The following WASHC2A variants were observed in gnomAD, a reference collection of about 807,000 sequenced individuals.
WASHC2A encodes WASH complex subunit FAM21A.
Under a neutral mutation model 140.3 loss-of-function variants are expected in WASHC2A, and 82 were observed. The observed-to-expected ratio is 0.58, with a 90% CI of 0.49 to 0.70. The LOEUF is 0.70. WASHC2A is among the 30% of genes least tolerant of loss of function. The pLI, the probability that WASHC2A is intolerant of heterozygous loss-of-function variation, is 0.00. For missense variants in WASHC2A, 985 were observed against 1,521.8 expected, an observed-to-expected ratio of 0.65 and a Z score of 5.87; for synonymous variants, 340 against 560.8, an observed-to-expected ratio of 0.61 and a Z score of 5.56.
Position 50,129,648 on chromosome 10 carries a change from G to A in WASHC2A, c.3317G>A (p.Gly1106Asp), listed in dbSNP as rs1412402899. The change falls in exon 29 of 31, where the codon GGT becomes GAT. Residue 1106 changes from glycine (G) to aspartate (D), a missense_variant. Gly to Asp is a moderately conservative substitution (Grantham distance 94, BLOSUM62 -1). Coordinates refer to ENST00000282633, the MANE Select transcript of WASHC2A (RefSeq NM_001005751.3). ...LAAAAAPWEG[G>D]PVPGVDRSPF... is the part of the protein sequence containing the mutation. ...GCTGCCGCTGCACCTTGGGAAGGTG[G>A]TCCTGTGCCTGGAGTGGACAGAAGC... The A allele has an allele frequency of 3.1e-6, 5 of 1,612,090 alleles. No homozygotes were observed. The highest frequency in any genetic ancestry group is 4.2e-6 in the Non-Finnish European group (5 of 1,179,878).
Position 50,097,856 on chromosome 10 carries a change from A to G in WASHC2A, c.1548+54A>G, listed in dbSNP as rs1443597988. ...AGCATTGATCTGCCGCATTTTAATA[A>G]TTCATCCTGAACCCAGAGGGAAGTG... On this transcript the variant is annotated intron_variant, in intron 16 of 30. Transcript: ENST00000282633. 1.9e-6 allele frequency: 3 copies of G among 1,611,246 alleles called. No individual in the cohort carries two copies. In the African/African-American group the frequency reaches 4.0e-5, roughly 22 times the overall value.
Position 50,082,937 on chromosome 10 carries a change from A to G in WASHC2A, c.529-1135A>G, listed in dbSNP as rs1391724883. Reference sequence around the variant, plus strand: ...TACCAACTTCAATTTTCTAAATTCAACAGTGTGGAACCACTAGGGGGTATT... The same window carrying G: ...TACCAACTTCAATTTTCTAAATTCAGCAGTGTGGAACCACTAGGGGGTATT... On this transcript the variant is annotated intron_variant, in intron 5 of 30. Coordinates refer to ENST00000282633, the MANE Select transcript of WASHC2A (RefSeq NM_001005751.3). Among the ~76,000 whole-genome samples the G allele has an allele frequency of 5.9e-5, 7 of 118,346 alleles. 3 individuals are homozygous for G. In the East Asian group the frequency reaches 1.8e-3, roughly 30 times the overall value. The allele number at this position is 118,346 out of a possible 152,430, so 77.6% of individuals were successfully genotyped here.
At chr10:50,084,016 T>C in intron 5 of WASHC2A, 56 bp from the exon 6 acceptor site, 2 of 1,602,426 alleles carry the variant, frequency 1.2e-6, no homozygotes. Context: ...AGGTGGCACA[T>C]GTAAGTTTGT....
At chr10:50,125,694 G>A (rs1172662300) in intron 25 of WASHC2A, among the ~76,000 whole-genome samples, 7 of 152,326 alleles carry the variant, frequency 4.6e-5, no homozygotes, top group Admixed American at 3.3e-4. Flanking sequence ...TGACTGTACT[G>A]CACATCTGTG....
At chr10:50,077,029 A>G (rs1838404363) in intron 3 of WASHC2A, among the ~76,000 whole-genome samples, 1 of 151,702 alleles carries the variant, frequency 6.6e-6, no homozygotes. Flanking sequence ...AGGCAGGAGA[A>G]TGGCGTGAAC....
chr10:50,100,267 A>C (rs1231057884), intron 17 of WASHC2A, among the ~76,000 whole-genome samples: 1 of 152,068 alleles, frequency 6.6e-6, no homozygotes, highest in Non-Finnish European at 1.5e-5. Flanking sequence ...CGGATACCTG[A>C]GGTCAGGAGT....
intron 4 of WASHC2A, 79 bp downstream of exon 4, chr10:50,078,816 G>C (rs1258242242): frequency 2.0e-5 from 32 of 1,611,682 alleles, no homozygotes; most frequent in Non-Finnish European, 2.7e-5. Context: ...TGTGGGAACT[G>C]GGGGATGGTG....
At chr10:50,103,309 C>G (rs1320591419) in intron 17 of WASHC2A, among the ~76,000 whole-genome samples, 1 of 151,394 alleles carries the variant, frequency 6.6e-6, no homozygotes, top group African/African-American at 2.4e-5. Flanking sequence ...CCTGTAATCC[C>G]AGCACTTGTG....
At chr10:50,131,273 G>T in intron 30 of WASHC2A, 195 bp downstream of exon 30, 2 of 736,738 alleles carry the variant, frequency 2.7e-6, no homozygotes, top group East Asian at 5.4e-5. Context: ...TCCTATGATA[G>T]TCATCAAAGA....
At chr10:50,072,158 CA>C (rs1169046752) in intron 3 of WASHC2A, among the ~76,000 whole-genome samples, 1 of 146,716 alleles carries the variant, frequency 6.8e-6, no homozygotes, top group African/African-American at 2.5e-5. Context: ...GCGATCTGCC[CA>C]TTGCAACCTC....
At chr10:50,109,918 C>T (rs1169477108) in intron 19 of WASHC2A, among the ~76,000 whole-genome samples, 183 bp from the exon 20 acceptor site, 47 of 151,772 alleles carry the variant, frequency 3.1e-4, no homozygotes, top group Non-Finnish European at 6.6e-4. Context: ...TACAGGCTCC[C>T]GCCACCACGC....
chr10:50,076,273 G>A (rs1300821931), intron 3 of WASHC2A, among the ~76,000 whole-genome samples: 1 of 152,172 alleles, frequency 6.6e-6, no homozygotes, highest in African/African-American at 2.4e-5. Context: ...CCCCCAGCAC[G>A]ATTATCTTAC....
In WASHC2A at chr10:50,090,515, A is replaced by AAT. The variant is rs1203140565; in HGVS notation, c.733-246_733-245dup. ...TAGACTCCATCTCAAAAAAAAAAAA[A>AAT]ATATATATATATATATTTATATTTA... On this transcript the variant is annotated intron_variant, in intron 8 of 30. Transcript: ENST00000282633. 4.0e-3 allele frequency among the ~76,000 whole-genome samples: 435 copies of AAT among 108,718 alleles called. 4 individuals carry two copies. The highest frequency in any genetic ancestry group is 0.011 in the African/African-American group (352 of 30,740). 71.3% of individuals were successfully genotyped at this position (108,718 alleles called of 152,430 possible). A position where few individuals can be genotyped will look rare whatever the true frequency, so the allele number is the denominator to read the frequency against.
intron 20 of WASHC2A, among the ~76,000 whole-genome samples, chr10:50,111,966 T>C (rs1262593656): frequency 3.3e-5 from 5 of 152,040 alleles, no homozygotes; most frequent in African/African-American, 1.2e-4. Flanking sequence ...AGGCAGAGGT[T>C]ACAGTGAGCC....
chr10:50,132,103 T>C (rs1013016796), intron 30 of WASHC2A, among the ~76,000 whole-genome samples: 7 of 152,256 alleles, frequency 4.6e-5, no homozygotes, highest in African/African-American at 1.7e-4. Flanking sequence ...TCTCCTTCCT[T>C]GTTTTCAGTG....
chr10:50,100,910 A>T (rs1841070689), intron 17 of WASHC2A, among the ~76,000 whole-genome samples: 1 of 152,426 alleles, frequency 6.6e-6, no homozygotes, highest in Non-Finnish European at 1.5e-5. Flanking sequence ...TCCAATTTTA[A>T]GTTGGCCTTT....
At chr10:50,100,549 A>G (rs1191392818) in intron 17 of WASHC2A, among the ~76,000 whole-genome samples, 9 of 152,270 alleles carry the variant, frequency 5.9e-5, no homozygotes, top group Non-Finnish European at 1.0e-4. Context: ...ATATGTTTAC[A>G]ATACTTTTCA....
At position 50,133,286 on chromosome 10, in the gene WASHC2A, G is replaced by C; in HGVS notation, c.*341G>C. 1.8e-6 allele frequency: 1 copy of C among 547,026 alleles called. No individual in the cohort carries two copies. Among genetic ancestry groups the C allele is most frequent in the Non-Finnish European group, 3.5e-6 (1 of 281,750 alleles). The allele number at this position is 547,026 out of a possible 1,614,324, so 33.9% of individuals were successfully genotyped here. A position where few individuals can be genotyped will look rare whatever the true frequency, so the allele number is the denominator to read the frequency against. On this transcript the variant is annotated 3_prime_UTR_variant, in exon 31 of 31. Coordinates refer to ENST00000282633, the MANE Select transcript of WASHC2A (RefSeq NM_001005751.3). ...ATCCCAGAGATAGCAAATGCCACCT[G>C]ACCAGAAGTCTTTGTTATATGGATG...
chr10:50,116,633 T>C (rs1842707186), intron 21 of WASHC2A, among the ~76,000 whole-genome samples: 1 of 151,030 alleles, frequency 6.6e-6, no homozygotes, highest in African/African-American at 2.5e-5. Context: ...TTTTATGTAG[T>C]TTTCAGTGAG....
Sources: allele counts gnomAD v4.1 joint callset (sites outside exome capture counted in the v4.1 genomes callset), GRCh38; gene constraint gnomAD v4.1.1; transcripts MANE v1.5; gene names NCBI Gene and HGNC (gene_info 2026-07-23, HGNC 2026-07-21).